Variants in ROBO2 observed in about 807,000 individuals in gnomAD.
The protein encoded by ROBO2 is roundabout homolog 2.
In ROBO2, 53 loss-of-function variants were observed where a neutral mutation model predicts 160.8. That is an observed-to-expected ratio of 0.33 (90% CI 0.26 to 0.41). The LOEUF (loss-of-function observed/expected upper bound fraction) is 0.41, where lower values mean the gene tolerates loss of function less well. Ranked by LOEUF, ROBO2 falls within the 10% of genes least tolerant of loss-of-function variation. ROBO2 has a pLI of 1.00. For synonymous variants in ROBO2, 664 were observed against 611.7 expected (o/e 1.09, Z -1.26); for missense variants, 1,577 against 1,722.4 (o/e 0.92, Z 1.49).
chr3:77,269,255 T>C (rs887967839), intron 2 of ROBO2, among the ~76,000 whole-genome samples: 17 of 152,146 alleles, frequency 1.1e-4, no homozygotes, highest in Admixed American at 3.9e-4. Flanking sequence ...CTTATCAACA[T>C]GGATAACTGA....
chr3:76,768,866 CTA>C (rs1216769219), intron 2 of ROBO2, among the ~76,000 whole-genome samples: 1 of 151,294 alleles, frequency 6.6e-6, no homozygotes, highest in Non-Finnish European at 1.5e-5. Context: ...CTAAACAAAT[CTA>C]TATATCTTGG....
chr3:76,359,221 C>A (rs142986552), intron 2 of ROBO2, among the ~76,000 whole-genome samples: 1 of 151,546 alleles, frequency 6.6e-6, no homozygotes, highest in African/African-American at 2.4e-5. Context: ...TGAATAGTGC[C>A]GCAATAAACA....
chr3:76,115,216 C>T (rs1178394594), intron 2 of ROBO2, among the ~76,000 whole-genome samples: 2 of 152,078 alleles, frequency 1.3e-5, no homozygotes, highest in Non-Finnish European at 2.9e-5. Flanking sequence ...CCCAAACTCC[C>T]AACATCAGCA....
At chr3:76,935,575 A>G (rs560577121) in intron 2 of ROBO2, among the ~76,000 whole-genome samples, 1 of 150,996 alleles carries the variant, frequency 6.6e-6, no homozygotes, top group East Asian at 2.0e-4. Flanking sequence ...CTGGGTAGCT[A>G]TGTATGTAAA....
intron 2 of ROBO2, among the ~76,000 whole-genome samples, chr3:77,387,348 A>G (rs1243603402): frequency 3.3e-5 from 5 of 151,756 alleles, no homozygotes; most frequent in Non-Finnish European, 5.9e-5. Context: ...CAAAAAAAAA[A>G]AAAAAATGAA....
chr3:77,623,870 G>A (rs1296686778), intron 23 of ROBO2, among the ~76,000 whole-genome samples: 2 of 152,196 alleles, frequency 1.3e-5, no homozygotes, highest in East Asian at 1.9e-4. Context: ...TATAGTCTGT[G>A]TAGTTCTTTT....
chr3:76,589,096 G>A (rs547612372), intron 2 of ROBO2, among the ~76,000 whole-genome samples: 49 of 152,258 alleles, frequency 3.2e-4, no homozygotes, highest in African/African-American at 1.2e-3. Context: ...CTAAGAGAGT[G>A]TATCTTAGGT....
At chr3:75,986,427 C>T (rs1049712731) in intron 2 of ROBO2, among the ~76,000 whole-genome samples, 2 of 151,172 alleles carry the variant, frequency 1.3e-5, no homozygotes, top group African/African-American at 4.8e-5. Context: ...TTTAAAAATT[C>T]CCTATCTATT....
chr3:76,559,550 G>C (rs1249008651), intron 2 of ROBO2, among the ~76,000 whole-genome samples: 5 of 152,086 alleles, frequency 3.3e-5, no homozygotes, highest in African/African-American at 9.7e-5. Flanking sequence ...CCATTTGGCT[G>C]TAACAGAGTG....
At chr3:76,853,420 T>G (rs1317922994) in intron 2 of ROBO2, among the ~76,000 whole-genome samples, 2 of 152,014 alleles carry the variant, frequency 1.3e-5, no homozygotes, top group Non-Finnish European at 2.9e-5. Context: ...TGGTTTGAGG[T>G]GGAGAGTGAA....
At chr3:76,838,011 T>A (rs1371065602) in intron 2 of ROBO2, among the ~76,000 whole-genome samples, 4 of 152,052 alleles carry the variant, frequency 2.6e-5, no homozygotes, top group African/African-American at 9.7e-5. Flanking sequence ...TAATGAAATG[T>A]TTCATTACGC....
intron 2 of ROBO2, among the ~76,000 whole-genome samples, chr3:77,032,075 G>A (rs571377516): frequency 1.3e-5 from 2 of 152,184 alleles, no homozygotes; most frequent in South Asian, 2.1e-4. Context: ...CCTCATCACC[G>A]AATTACCTCC....
chr3:76,218,074 T>C (rs1019313152), intron 2 of ROBO2, among the ~76,000 whole-genome samples: 2 of 152,156 alleles, frequency 1.3e-5, no homozygotes, highest in African/African-American at 4.8e-5. Context: ...GATGATTATC[T>C]CAATAGATGC....
At chr3:77,423,625 A>G (rs530976333) in intron 2 of ROBO2, among the ~76,000 whole-genome samples, 1 of 152,184 alleles carries the variant, frequency 6.6e-6, no homozygotes, top group Non-Finnish European at 1.5e-5. Context: ...CTTACTTTTC[A>G]TCTGTATGGT....
chr3:76,713,252 A>G (rs553712443), intron 2 of ROBO2, among the ~76,000 whole-genome samples: 1 of 152,300 alleles, frequency 6.6e-6, no homozygotes, highest in East Asian at 1.9e-4. Context: ...GCCATTTTAA[A>G]TTTGTTTATT....
At chr3:77,224,941 T>C (rs9828698) in intron 2 of ROBO2, among the ~76,000 whole-genome samples, 14,122 of 152,002 alleles carry the variant, frequency 0.093, 880 homozygotes, top group Non-Finnish European at 0.13. Flanking sequence ...AAGTTTTAAA[T>C]TGTAGCTATA....
intron 2 of ROBO2, among the ~76,000 whole-genome samples, chr3:77,280,660 C>A (rs2060185749): frequency 6.6e-6 from 1 of 152,118 alleles, no homozygotes; most frequent in Non-Finnish European, 1.5e-5. Context: ...CTCATGAAAC[C>A]CCTGCCAATC....
At chr3:76,338,108 A>C (rs1350867333) in intron 2 of ROBO2, among the ~76,000 whole-genome samples, 1 of 152,164 alleles carries the variant, frequency 6.6e-6, no homozygotes, top group African/African-American at 2.4e-5. Flanking sequence ...CTTCTAGTAC[A>C]TGTATTTGAG....
chr3:76,811,180 A>G (rs2065131597), intron 2 of ROBO2, among the ~76,000 whole-genome samples: 2 of 152,180 alleles, frequency 1.3e-5, no homozygotes, highest in Non-Finnish European at 2.9e-5. Context: ...TGGCTTCATG[A>G]GAGAAGTCCA....
Sources: allele counts gnomAD v4.1 joint callset (sites outside exome capture counted in the v4.1 genomes callset), GRCh38; gene constraint gnomAD v4.1.1; transcripts MANE v1.5; gene names NCBI Gene and HGNC (gene_info 2026-07-23, HGNC 2026-07-21).